Variants in ERG observed in about 807,000 individuals in gnomAD.
ERG encodes transcriptional regulator ERG.
A neutral mutation model predicts 55.3 loss-of-function variants in ERG; 9 were observed. The observed-to-expected ratio is 0.16, with a 90% CI of 0.10 to 0.28. The LOEUF is 0.28. ERG is among the 10% of genes least tolerant of loss of function. The probability of loss-of-function intolerance (pLI) is 1.00; values close to 1 mark genes in which losing one functional copy is unlikely to be tolerated. For missense variants in ERG, 434 were observed against 631.6 expected (o/e 0.69, Z 3.35); for synonymous variants, 223 against 237.3 (o/e 0.94, Z 0.55).
At chr21:38,570,994 T>C (rs927278367) in intron 2 of ERG, among the ~76,000 whole-genome samples, 19 of 152,354 alleles carry the variant, frequency 1.2e-4, no homozygotes, top group African/African-American at 4.6e-4. Flanking sequence ...GAACTCTTTT[T>C]AGGAAATGCA....
At chr21:38,459,730 T>C (rs1242682108) in intron 1 of ERG, among the ~76,000 whole-genome samples, 1 of 152,164 alleles carries the variant, frequency 6.6e-6, no homozygotes, top group Non-Finnish European at 1.5e-5. Context: ...ATAAGAATAT[T>C]CTCTTAGTCA....
intron 2 of ERG, among the ~76,000 whole-genome samples, chr21:38,574,557 A>C (rs2059983191): frequency 1.3e-5 from 2 of 152,256 alleles, no homozygotes; most frequent in Non-Finnish European, 2.9e-5. Flanking sequence ...ATGTGTGTGT[A>C]TGTGAGCTGC....
chr21:38,377,644 C>G (rs1044741995), downstream of ERG, among the ~76,000 whole-genome samples: 3 of 152,210 alleles, frequency 2.0e-5, no homozygotes, highest in Admixed American at 1.3e-4. Flanking sequence ...TGGTTCGTGA[C>G]TTCTACACCA....
rs1988633526 is a variant in ERG at position 38,403,850 on chromosome 21, GA to G, written c.389-142del. ...AGCCAGCCTCCCTGGCTACCCAGGA[GA>G]ACATTTTGGGGGAAAGACAAAAGCT... On this transcript the variant is annotated intron_variant, in intron 3 of 9. Transcript: ENST00000288319. 3 of 716,870 alleles carry G rather than the reference GA, an allele frequency of 4.2e-6. No homozygotes were observed. In the Admixed American group the frequency reaches 6.8e-5, roughly 16 times the overall value. 44.4% of individuals were successfully genotyped at this position (716,870 alleles called of 1,614,324 possible). A position where few individuals can be genotyped will look rare whatever the true frequency, so the allele number is the denominator to read the frequency against.
chr21:38,384,145 C>T (rs956266489), intron 9 of ERG, among the ~76,000 whole-genome samples: 2 of 152,214 alleles, frequency 1.3e-5, no homozygotes, highest in South Asian at 4.1e-4. Context: ...CGCCGCCTCG[C>T]CCACCCCCAG....
chr21:38,409,444 T>C (rs996568074), intron 3 of ERG, among the ~76,000 whole-genome samples: 1 of 145,274 alleles, frequency 6.9e-6, no homozygotes, highest in Non-Finnish European at 1.5e-5. Context: ...GATTGCGCCA[T>C]TGCACTCCAG....
chr21:38,556,359 T>A (rs547330205), intron 2 of ERG, among the ~76,000 whole-genome samples: 73 of 152,268 alleles, frequency 4.8e-4, no homozygotes, highest in African/African-American at 1.6e-3. Flanking sequence ...AGATTGTTGT[T>A]CACAGTGACA....
At chr21:38,412,178 CTTA>C (rs1283898664) in intron 3 of ERG, among the ~76,000 whole-genome samples, 6 of 152,106 alleles carry the variant, frequency 3.9e-5, no homozygotes, top group Admixed American at 3.3e-4. Flanking sequence ...TCTATCTACA[CTTA>C]TTATCACTGA....
At chr21:38,439,447 T>G (rs2058820258) in intron 2 of ERG, among the ~76,000 whole-genome samples, 1 of 152,210 alleles carries the variant, frequency 6.6e-6, no homozygotes, top group African/African-American at 2.4e-5. Context: ...AGCCAGGCCC[T>G]TGGTGTGGAT....
chr21:38,373,250 AT>A, the ERG span, among the ~76,000 whole-genome samples: 1 of 152,292 alleles, frequency 6.6e-6, no homozygotes, highest in East Asian at 1.9e-4. Flanking sequence ...ATCTTTTCCC[AT>A]TAATGGGATA....
chr21:38,647,892 G>A (rs1601351952), intron 1 of ERG, among the ~76,000 whole-genome samples: 1 of 152,114 alleles, frequency 6.6e-6, no homozygotes, highest in Non-Finnish European at 1.5e-5. Flanking sequence ...AAATAAAAAG[G>A]AAAGAAATAA....
At chr21:38,436,901 T>C (rs539343260) in intron 2 of ERG, among the ~76,000 whole-genome samples, 4 of 148,608 alleles carry the variant, frequency 2.7e-5, no homozygotes, top group South Asian at 2.1e-4. Flanking sequence ...CTTTCTCTCT[T>C]TTTTTTTTTT....
intron 2 of ERG, among the ~76,000 whole-genome samples, chr21:38,530,588 C>T (rs2836474): frequency 0.31 from 47,331 of 152,006 alleles, 9,070 homozygotes; most frequent in Non-Finnish European, 0.42. Flanking sequence ...GTCCTCAATT[C>T]GGTGTAGAAT....
chr21:38,463,676 C>G (rs1220240213), intron 1 of ERG, among the ~76,000 whole-genome samples: 2 of 152,162 alleles, frequency 1.3e-5, no homozygotes, highest in Non-Finnish European at 2.9e-5. Flanking sequence ...GGAGCATTTC[C>G]AGATGGAGAA....
intron 1 of ERG, among the ~76,000 whole-genome samples, chr21:38,465,834 T>C (rs144321733): frequency 6.5e-4 from 99 of 152,334 alleles, no homozygotes; most frequent in Admixed American, 1.4e-3. Context: ...AATATGTCAC[T>C]GTGAATATCT....
chr21:38,506,910 A>G (rs1298272906), intron 2 of ERG, among the ~76,000 whole-genome samples: 1 of 152,174 alleles, frequency 6.6e-6, no homozygotes, highest in African/African-American at 2.4e-5. Context: ...TGTGTTCTAC[A>G]GAAGGATAAT....
At chr21:38,464,493 C>T in intron 1 of ERG, among the ~76,000 whole-genome samples, 1 of 152,168 alleles carries the variant, frequency 6.6e-6, no homozygotes, top group East Asian at 1.9e-4. Flanking sequence ...TGTCTAAATT[C>T]CAACTGCTAA....
At chr21:38,585,532 C>CTTTTTTTTTTTTCT (rs2060057847), upstream of ERG, among the ~76,000 whole-genome samples, 1 of 59,282 alleles carries the variant, frequency 1.7e-5, no homozygotes, top group Admixed American at 2.9e-4. Flanking sequence ...TCTCTCTCTT[C>CTTTTTTTTTTTTCT]TTTTTTTTTT....
At chr21:38,619,422 C>A (rs1294513528) in intron 1 of ERG, among the ~76,000 whole-genome samples, 1 of 152,106 alleles carries the variant, frequency 6.6e-6, no homozygotes, top group South Asian at 2.1e-4. Flanking sequence ...CCCTCCTGCT[C>A]CCCCATTTAA....
Sources: gnomAD v4.1 joint callset for allele counts (sites outside exome capture counted in the v4.1 genomes callset) on GRCh38, gnomAD v4.1.1 for gene constraint, MANE v1.5 for transcripts, NCBI Gene and HGNC (gene_info 2026-07-23, HGNC 2026-07-21) for gene names.